Variants in TNIP1 observed in about 807,000 individuals in gnomAD.
The protein encoded by TNIP1 is TNFAIP3-interacting protein 1.
TNIP1 carries 22 observed loss-of-function variants against 86.6 expected under a neutral mutation model. That is an observed-to-expected ratio of 0.25 (90% CI 0.18 to 0.36). The LOEUF (loss-of-function observed/expected upper bound fraction) is 0.36, where lower values mean the gene tolerates loss of function less well. TNIP1 is among the 10% of genes least tolerant of loss of function. The pLI, the probability that TNIP1 is intolerant of heterozygous loss-of-function variation, is 1.00. For synonymous variants in TNIP1, 294 were observed against 313.0 expected (o/e 0.94, Z 0.64); for missense variants, 709 against 820.6 (o/e 0.86, Z 1.66).
At chr5:151,070,695 G>A (rs75984114) in intron 1 of TNIP1, among the ~76,000 whole-genome samples, 1 of 152,134 alleles carries the variant, frequency 6.6e-6, no homozygotes, top group South Asian at 2.1e-4. Context: ...TCACATTGCA[G>A]ACATAAACAA....
intron 3 of TNIP1, among the ~76,000 whole-genome samples, chr5:151,063,198 G>T (rs1018919077): frequency 1.4e-4 from 22 of 152,304 alleles, no homozygotes; most frequent in African/African-American, 5.1e-4. Flanking sequence ...TAAAATGGAC[G>T]CGCAGGGCAC....
chr5:151,042,718 A>G (rs768052100), intron 10 of TNIP1, 47 bp from the exon 11 acceptor site: 9 of 1,609,924 alleles, frequency 5.6e-6, no homozygotes, highest in Non-Finnish European at 7.6e-6. Context: ...GATGTAGAGC[A>G]CTTGCAGGAT....
At position 151,063,656 on chromosome 5, in the gene TNIP1, A is replaced by G. The variant is rs1188416444; in HGVS notation, c.228T>C (p.Pro76=). 3 of 1,613,940 alleles carry G rather than the reference A, an allele frequency of 1.9e-6. No homozygotes were observed. Among genetic ancestry groups the G allele is most frequent in the Non-Finnish European group, 2.5e-6 (3 of 1,180,008 alleles). ...GGTCGAAGGAGCCCAAGGAGGGAGA[A>G]GGTGGTGGGAGCAGCTCGTTGTCCT... is the stretch of plus-strand genomic sequence containing the variant. ...LVKDNELLPP[P]SPSLGSFDPL... is the part of the protein sequence containing the mutation. Residue 76 remains proline, a synonymous_variant, in exon 3 of 18, where the codon CCT becomes CCC. Coordinates refer to ENST00000521591, the MANE Select transcript of TNIP1 (RefSeq NM_006058.5).
intron 7 of TNIP1, among the ~76,000 whole-genome samples, chr5:151,051,340 C>T (rs956686195): frequency 2.0e-5 from 3 of 152,198 alleles, no homozygotes; most frequent in Non-Finnish European, 4.4e-5. Flanking sequence ...GTCTGTGACA[C>T]GGGCCTTTCC....
intron 9 of TNIP1, among the ~76,000 whole-genome samples, chr5:151,044,621 G>A (rs1758889864): frequency 1.3e-5 from 2 of 152,182 alleles, no homozygotes; most frequent in South Asian, 4.1e-4. Context: ...TTTCAAATGT[G>A]CGGGAGGACA....
intron 8 of TNIP1, among the ~76,000 whole-genome samples, chr5:151,046,930 G>A (rs1434073417): frequency 6.6e-6 from 1 of 152,222 alleles, no homozygotes; most frequent in Non-Finnish European, 1.5e-5. Flanking sequence ...TAGGAAGAAT[G>A]AGGAAAATAT....
intron 7 of TNIP1, 126 bp downstream of exon 7, chr5:151,052,039 T>A: frequency 1.3e-6 from 1 of 757,344 alleles, no homozygotes; most frequent in East Asian, 2.7e-5. Context: ...AGACGTAACC[T>A]CCAAATAGGG....
intron 6 of TNIP1, among the ~76,000 whole-genome samples, chr5:151,056,562 T>C (rs767612786): frequency 6.6e-6 from 1 of 151,748 alleles, no homozygotes; most frequent in Non-Finnish European, 1.5e-5. Context: ...CATCCCGTAT[T>C]TCCCCATTTC....
chr5:151,082,527 A>G (rs1764100981), upstream of TNIP1, among the ~76,000 whole-genome samples: 1 of 152,164 alleles, frequency 6.6e-6, no homozygotes. Context: ...CTCTTCCTGC[A>G]GGGCTCTCTT....
chr5:151,059,024 C>T (rs965536773), intron 5 of TNIP1, among the ~76,000 whole-genome samples: 3 of 152,212 alleles, frequency 2.0e-5, no homozygotes, highest in Non-Finnish European at 1.5e-5. Flanking sequence ...CTGCCTCTTT[C>T]CACAAAGGAG....
At chr5:151,055,141 T>A (rs1193804778) in intron 6 of TNIP1, among the ~76,000 whole-genome samples, 1 of 152,182 alleles carries the variant, frequency 6.6e-6, no homozygotes, top group Non-Finnish European at 1.5e-5. Flanking sequence ...CAAGTGTGTA[T>A]GAAGTGCCAC....
At chr5:151,085,559 T>C (rs1764243449), upstream of TNIP1, among the ~76,000 whole-genome samples, 1 of 152,190 alleles carries the variant, frequency 6.6e-6, no homozygotes, top group Non-Finnish European at 1.5e-5. Context: ...ACACTTCAGT[T>C]TCTAGGGCAC....
intron 13 of TNIP1, among the ~76,000 whole-genome samples, chr5:151,035,937 G>T (rs182026180): frequency 3.3e-5 from 5 of 152,304 alleles, no homozygotes; most frequent in Admixed American, 3.3e-4. Context: ...TTTGAACAAA[G>T]GATATATGGT....
At chr5:151,078,030 C>T (rs1048801806) in intron 1 of TNIP1, among the ~76,000 whole-genome samples, 5 of 152,200 alleles carry the variant, frequency 3.3e-5, no homozygotes, top group Non-Finnish European at 7.3e-5. Flanking sequence ...ACCCCTCCAA[C>T]CATCTGGTGC....
chr5:151,043,391 T>A (rs902768700), intron 9 of TNIP1, among the ~76,000 whole-genome samples: 1 of 152,112 alleles, frequency 6.6e-6, no homozygotes, highest in Non-Finnish European at 1.5e-5. Flanking sequence ...AATACCTGTA[T>A]TACAAAAAAA....
intron 7 of TNIP1, 38 bp downstream of exon 7, chr5:151,052,127 C>T (rs1461548437): frequency 6.3e-7 from 1 of 1,592,842 alleles, no homozygotes; most frequent in Non-Finnish European, 8.6e-7. Context: ...TCCTGCAGCC[C>T]CCACTCCTCA....
rs201041757 is a variant in TNIP1 at position 151,042,492 on chromosome 5, C to T, written c.1134+48G>A. On this transcript the variant is annotated intron_variant, in intron 11 of 17. Coordinates refer to ENST00000521591, the MANE Select transcript of TNIP1 (RefSeq NM_006058.5). ...CTTGTTTGCTCCACAGAACTCTCCG[C>T]TAATGTGGAGGGGAACTGACTCTGC... The T allele has an allele frequency of 8.2e-6, 13 of 1,594,418 alleles. No homozygotes were observed. The African/African-American group carries it at 1.6e-4, about 20-fold the overall frequency.
At position 151,065,044 on chromosome 5, in the gene TNIP1, A is replaced by T. The variant is rs34129524; in HGVS notation, c.52T>A (p.Ser18Thr). Residue 18 changes from serine (S) to threonine (T), a missense_variant, in exon 2 of 18, where the codon TCA (serine) becomes ACA (threonine). Coordinates refer to ENST00000521591, the MANE Select transcript of TNIP1 (RefSeq NM_006058.5). The stretch of plus-strand genomic sequence containing the variant: ...TCAAAAGCTGCGGATGCCTCTCCTG[A>T]GGGCACGCTGCCCCCAGGGTCGTAG... ...RIYDPGGSVP[S>T]GEASAAFERL... 6.2e-7 allele frequency: 1 copy of T among 1,614,042 alleles called. No individual in the cohort carries two copies. The highest frequency in any genetic ancestry group is 1.7e-5 in the Admixed American group (1 of 60,010).
chr5:151,044,269 T>C lies in TNIP1; in HGVS notation c.937-1308A>G, dbSNP rs183138635. Among the ~76,000 whole-genome samples, 23 of 152,244 alleles carry C rather than the reference T, an allele frequency of 1.5e-4. No individual in the cohort carries two copies. In the East Asian group the frequency reaches 3.5e-3, roughly 23 times the overall value. On this transcript the variant is annotated intron_variant, in intron 9 of 17. Coordinates refer to ENST00000521591, the MANE Select transcript of TNIP1 (RefSeq NM_006058.5). The stretch of plus-strand genomic sequence containing the variant: ...GTTGCCCAGGCTGGTCTCAAACTCC[T>C]GGTTGCAAGTAATCTTCCTGCATCA...
Sources: allele counts gnomAD v4.1 joint callset (sites outside exome capture counted in the v4.1 genomes callset), GRCh38; gene constraint gnomAD v4.1.1; transcripts MANE v1.5; gene names NCBI Gene and HGNC (gene_info 2026-07-23, HGNC 2026-07-21).